LDLRAD3: variants seen among roughly 807,000 people sequenced by gnomAD.
LDLRAD3 encodes the protein low density lipoprotein receptor class A domain containing 3.
LDLRAD3 carries 20 observed loss-of-function variants against 29.4 expected under a neutral mutation model. The observed-to-expected ratio is 0.68, with a 90% CI of 0.48 to 0.99. LDLRAD3 has a LOEUF of 0.99. LDLRAD3 is among the 50% of genes least tolerant of loss of function. LDLRAD3 has a pLI of 0.00. For synonymous variants in LDLRAD3, 157 were observed against 192.7 expected (o/e 0.81, Z 1.53); for missense variants, 420 against 454.3 (o/e 0.92, Z 0.69).
At chr11:36,108,812 C>T (rs1293948057) in intron 4 of LDLRAD3, among the ~76,000 whole-genome samples, 2 of 152,076 alleles carry the variant, frequency 1.3e-5, no homozygotes, top group Non-Finnish European at 2.9e-5. Context: ...CAAACTTTAT[C>T]TAGAAAAATG....
At chr11:36,135,043 C>T (rs2133309703) in intron 4 of LDLRAD3, among the ~76,000 whole-genome samples, 1 of 152,330 alleles carries the variant, frequency 6.6e-6, no homozygotes, top group South Asian at 2.1e-4. Flanking sequence ...CTCTTTCCCT[C>T]CTCTTCCTCA....
At chr11:36,040,430 T>C (rs73450439) in intron 2 of LDLRAD3, among the ~76,000 whole-genome samples, 77 of 152,290 alleles carry the variant, frequency 5.1e-4, no homozygotes, top group African/African-American at 1.6e-3. Flanking sequence ...TTTTCCCCAG[T>C]GTAATCGCCA....
chr11:36,188,344 G>C (rs973186651), intron 4 of LDLRAD3, among the ~76,000 whole-genome samples: 1 of 114,782 alleles, frequency 8.7e-6, no homozygotes, highest in Non-Finnish European at 1.8e-5. Flanking sequence ...AAATCCACAG[G>C]GACAAAGAAA....
chr11:35,953,887 G>T (rs1213812446), intron 1 of LDLRAD3, among the ~76,000 whole-genome samples: 1 of 152,170 alleles, frequency 6.6e-6, no homozygotes, highest in Admixed American at 6.5e-5. Flanking sequence ...TGATTAAAAA[G>T]TATGATACTA....
chr11:36,220,009 G>T (rs1424710003), intron 4 of LDLRAD3, among the ~76,000 whole-genome samples: 1 of 152,112 alleles, frequency 6.6e-6, no homozygotes, highest in East Asian at 1.9e-4. Context: ...ATGGGCAAAA[G>T]ATTTGAATAA....
intron 1 of LDLRAD3, among the ~76,000 whole-genome samples, chr11:35,964,411 C>G (rs1376747535): frequency 6.6e-6 from 1 of 152,160 alleles, no homozygotes; most frequent in Non-Finnish European, 1.5e-5. Context: ...TCCAGCCCCA[C>G]AGTCTTGCTT....
intron 1 of LDLRAD3, among the ~76,000 whole-genome samples, chr11:36,016,189 C>T (rs1213127019): frequency 6.6e-6 from 1 of 152,150 alleles, no homozygotes; most frequent in Non-Finnish European, 1.5e-5. Context: ...GAAGGTGGCT[C>T]ATAAGAGCTT....
At chr11:36,146,608 G>A (rs747468176) in intron 4 of LDLRAD3, among the ~76,000 whole-genome samples, 1 of 152,050 alleles carries the variant, frequency 6.6e-6, no homozygotes, top group Non-Finnish European at 1.5e-5. Context: ...CGGACCCTGA[G>A]GGAAAATTCA....
At position 36,098,379 on chromosome 11, in the gene LDLRAD3, CTGTA is replaced by C; in HGVS notation, c.374_377del (p.Cys125LeufsTer35). ...CCCGCTACCACTGCAAGAACGGCCT[CTGTA>C]TTGACAAGAGCTTCATCTGCGATGG... On this transcript the variant is annotated frameshift_variant, in exon 4 of 6. Coordinates refer to ENST00000315571, the MANE Select transcript of LDLRAD3 (RefSeq NM_174902.4). LOFTEE classifies it high-confidence loss of function. 1 of 1,614,234 alleles carries C rather than the reference CTGTA, an allele frequency of 6.2e-7. No individual in the cohort carries two copies. Among genetic ancestry groups the C allele is most frequent in the Non-Finnish European group, 8.5e-7 (1 of 1,180,040 alleles).
At position 36,054,840 on chromosome 11, in the gene LDLRAD3, A is replaced by AATGGATGGATGGG. The variant is rs370745657; in HGVS notation, c.193+18603_193+18604insGATGGATGGATGG. Among the ~76,000 whole-genome samples the AATGGATGGATGGG allele has an allele frequency of 8.7e-3, 1,162 of 133,824 alleles. 45 individuals are homozygous for AATGGATGGATGGG. The highest frequency in any genetic ancestry group is 0.071 in the Admixed American group (977 of 13,858). The allele number at this position is 133,824 out of a possible 152,430, so 87.8% of individuals were successfully genotyped here. On this transcript the variant is annotated intron_variant, in intron 2 of 5. Coordinates refer to ENST00000315571, the MANE Select transcript of LDLRAD3 (RefSeq NM_174902.4). The stretch of plus-strand genomic sequence containing the variant: ...GGATGGATAGGTGGATGGATGGATG[A>AATGGATGGATGGG]ATGGATGGATGGATGGATGGATGGA...
intron 4 of LDLRAD3, among the ~76,000 whole-genome samples, chr11:36,121,557 G>A (rs10768184): frequency 0.45 from 68,672 of 152,036 alleles, 16,000 homozygotes; most frequent in Admixed American, 0.52. Context: ...GGAAGGGTGC[G>A]CCATGAGTAT....
chr11:36,165,476 TACACCCCC>T (rs1854499960), intron 4 of LDLRAD3, among the ~76,000 whole-genome samples: 1 of 152,156 alleles, frequency 6.6e-6, no homozygotes, highest in Non-Finnish European at 1.5e-5. Context: ...GATATCTGTT[TACACCCCC>T]ACAAGCAATT....
chr11:36,141,037 C>CTCTCTCTCTCTCT (rs1389366552), intron 4 of LDLRAD3, among the ~76,000 whole-genome samples: 36 of 45,502 alleles, frequency 7.9e-4, no homozygotes, highest in South Asian at 1.8e-3. Flanking sequence ...TCTCTCTCTC[C>CTCTCTCTCTCTCT]GTGTGGGGGT....
chr11:36,140,701 G>A (rs1256879392), intron 4 of LDLRAD3, among the ~76,000 whole-genome samples: 6 of 152,148 alleles, frequency 3.9e-5, no homozygotes, highest in Non-Finnish European at 4.4e-5. Context: ...GATTACAGAC[G>A]TGAGCCACCG....
chr11:35,944,106 T>C lies in LDLRAD3; in HGVS notation c.8T>C (p.Leu3Pro). The change falls in exon 1 of 6, where the codon CTG becomes CCG. Residue 3 changes from leucine (L) to proline (P), a missense_variant. Coordinates refer to ENST00000315571, the MANE Select transcript of LDLRAD3 (RefSeq NM_174902.4). This position sits in a 1 kb window ranked among gnomAD's most constrained non-coding sequence, Gnocchi z 4.9. MW[L>P]LGPLCLLLSS... ...GGGAGCGGCGGCCGCGCCATGTGGC[T>C]GCTGGGGCCGCTGTGCCTGCTGCTG... is the stretch of plus-strand genomic sequence containing the variant. 2 of 1,070,616 alleles carry C rather than the reference T, an allele frequency of 1.9e-6. No individual in the cohort carries two copies. Among genetic ancestry groups the C allele is most frequent in the Non-Finnish European group, 2.3e-6 (2 of 885,930 alleles). 66.3% of individuals were successfully genotyped at this position (1,070,616 alleles called of 1,614,324 possible). A position where few individuals can be genotyped will look rare whatever the true frequency, so the allele number is the denominator to read the frequency against.
intron 1 of LDLRAD3, among the ~76,000 whole-genome samples, chr11:36,034,741 C>T (rs1286218319): frequency 1.3e-5 from 2 of 152,094 alleles, no homozygotes; most frequent in African/African-American, 4.8e-5. Flanking sequence ...AATTAGTGCT[C>T]ATCTGTGTTT....
At chr11:35,961,961 T>C (rs1371768588) in intron 1 of LDLRAD3, among the ~76,000 whole-genome samples, 1 of 152,200 alleles carries the variant, frequency 6.6e-6, no homozygotes, top group Non-Finnish European at 1.5e-5. Flanking sequence ...CAGGGATGAC[T>C]GTGATCCTGT....
chr11:36,200,780 T>G (rs1855116241), intron 4 of LDLRAD3, among the ~76,000 whole-genome samples: 1 of 152,176 alleles, frequency 6.6e-6, no homozygotes, highest in Non-Finnish European at 1.5e-5. Context: ...CAGTAAGTGT[T>G]CTTCTATCAA....
intron 1 of LDLRAD3, among the ~76,000 whole-genome samples, chr11:35,984,085 T>C (rs1410453501): frequency 6.6e-6 from 1 of 152,182 alleles, no homozygotes; most frequent in African/African-American, 2.4e-5. Context: ...AATAGATTGC[T>C]CCATTTTTGG....
Sources: allele counts gnomAD v4.1 joint callset (sites outside exome capture counted in the v4.1 genomes callset), GRCh38; gene constraint gnomAD v4.1.1; non-coding constraint Gnocchi (gnomAD v3.1); transcripts MANE v1.5; gene names NCBI Gene and HGNC (gene_info 2026-07-23, HGNC 2026-07-21).